The following FAM186B variants were observed in gnomAD, a reference collection of about 807,000 sequenced individuals.
FAM186B encodes the protein protein FAM186B.
A neutral mutation model predicts 83.4 loss-of-function variants in FAM186B; 68 were observed. The observed-to-expected ratio is 0.81, with a 90% CI of 0.67 to 1.00. FAM186B has a LOEUF of 1.00. Ranked by LOEUF, FAM186B falls within the 50% of genes least tolerant of loss-of-function variation. The pLI, the probability that FAM186B is intolerant of heterozygous loss-of-function variation, is 0.00. For missense variants in FAM186B, 983 were observed against 1,099.2 expected (o/e 0.89, Z 1.49); for synonymous variants, 389 against 422.0 (o/e 0.92, Z 0.96).
chr12:49,619,486 A>T, the FAM186B span: 1 of 679,180 alleles, frequency 1.5e-6, no homozygotes. Context: ...AGAGCAGGGG[A>T]AATACTAAAA....
At chr12:49,594,432 ACT>A (rs1230154544) in intron 5 of FAM186B, among the ~76,000 whole-genome samples, 1 of 152,154 alleles carries the variant, frequency 6.6e-6, no homozygotes, top group African/African-American at 2.4e-5. Flanking sequence ...CCCTTTATAC[ACT>A]GTTTTTCCTG....
At chr12:49,607,963 G>A (rs1392884733), upstream of FAM186B, among the ~76,000 whole-genome samples, 1 of 151,954 alleles carries the variant, frequency 6.6e-6, no homozygotes, top group Non-Finnish European at 1.5e-5. Context: ...GCCTCCCAAA[G>A]TGCTGGGATT....
At chr12:49,584,657 C>A (rs1368540670), downstream of FAM186B, 3 of 701,944 alleles carry the variant, frequency 4.3e-6, no homozygotes, top group Non-Finnish European at 7.8e-6. Context: ...GTAACTGAGA[C>A]AAGGCCCAGG....
chr12:49,591,714 G>A (rs1484043320), intron 5 of FAM186B, among the ~76,000 whole-genome samples: 7 of 152,094 alleles, frequency 4.6e-5, no homozygotes, highest in Admixed American at 3.9e-4. Context: ...CTTGCTATCC[G>A]TGGGGTATTG....
downstream of FAM186B, chr12:49,583,671 C>G (rs1315244686): frequency 6.5e-6 from 1 of 152,854 alleles, no homozygotes; most frequent in Non-Finnish European, 1.5e-5. Context: ...TCTGGAGTCT[C>G]AGCCTTAGGC....
chr12:49,600,603 GTCTC>G lies in FAM186B; in HGVS notation c.1033_1036del (p.Glu345ProfsTer17), dbSNP rs777830506. 3.7e-6 allele frequency: 6 copies of G among 1,612,160 alleles called. No individual in the cohort carries two copies. The East Asian group carries it at 6.7e-5, about 18-fold the overall frequency. On this transcript the variant is annotated frameshift_variant, in exon 4 of 7. Coordinates refer to ENST00000257894, the MANE Select transcript of FAM186B (RefSeq NM_032130.3). LOFTEE classifies it high-confidence loss of function. The surrounding 1 kb of genome is among the most constrained non-coding windows in gnomAD (Gnocchi z 4.3). ...CATGACTGTTTCTTTCCTTGGGAGGGTCTCTCTCTCAGAGGGACCTGGGGAGTCA... is the reference window on the plus strand; with the variant it reads ...CATGACTGTTTCTTTCCTTGGGAGGGTCTCTCAGAGGGACCTGGGGAGTCA...
At position 49,587,685 on chromosome 12, in the gene FAM186B, T is replaced by C. The variant is rs139465007; in HGVS notation, c.2602A>G (p.Lys868Glu). The C allele has an allele frequency of 1.4e-4, 232 of 1,613,982 alleles. No individual in the cohort carries two copies. The highest frequency in any genetic ancestry group is 1.8e-4 in the Non-Finnish European group (209 of 1,180,010). The change falls in exon 7 of 7, where the codon AAA (lysine) becomes GAA (glutamate). Residue 868 changes from lysine to glutamate, a missense_variant. Coordinates refer to ENST00000257894, the MANE Select transcript of FAM186B (RefSeq NM_032130.3). ...CGGGGAAGGCTGGCAGGGGTCTTTT[T>C]TTCTATTGCGTAACTGGAGGAGGCC... The part of the protein sequence containing the change: ...EVASSSYAIE[K>E]KTPASLPRDQ...
Position 49,600,536 on chromosome 12 carries a change from G to T in FAM186B, c.1104C>A (p.Phe368Leu), listed in dbSNP as rs765281603. ...QQEPMKEEQL[F>L]SPLPPSPMAM... ...CCATGGGACTTGGGGGAAGTGGCGA[G>T]AACAACTGCTCCTCCTTCATCGGTT... Residue 368 changes from phenylalanine (F) to leucine (L), a missense_variant, in exon 4 of 7, where the codon TTC becomes TTA. By Grantham distance (22) the Phe-to-Leu change is conservative. Transcript: ENST00000257894. The surrounding 1 kb of genome is among the most constrained non-coding windows in gnomAD (Gnocchi z 4.3). 1 of 1,613,910 alleles carries T rather than the reference G, an allele frequency of 6.2e-7. No individual in the cohort carries two copies. The highest frequency in any genetic ancestry group is 1.1e-5 in the South Asian group (1 of 91,030).
chr12:49,613,491 C>T, the FAM186B span, among the ~76,000 whole-genome samples: 16 of 148,798 alleles, frequency 1.1e-4, no homozygotes, highest in Admixed American at 6.1e-4. Context: ...CATGCCACTG[C>T]ACTCCAGCCT....
At position 49,600,185 on chromosome 12, in the gene FAM186B, G is replaced by A. The variant is rs1939845114; in HGVS notation, c.1455C>T (p.Gly485=). ...SQEEPWEEEF[G]REMRRQLWLE... ...GCCACAGCTGCCTCCGCATCTCCCG[G>A]CCGAATTCCTCCTCCCAGGGCTCCT... Residue 485 remains glycine, a synonymous_variant, in exon 4 of 7, where the codon GGC becomes GGT. Transcript: ENST00000257894. This position sits in a 1 kb window ranked among gnomAD's most constrained non-coding sequence, Gnocchi z 4.3. 1 of 1,613,144 alleles carries A rather than the reference G, an allele frequency of 6.2e-7. No homozygotes were observed. The highest frequency in any genetic ancestry group is 1.3e-5 in the African/African-American group (1 of 74,878).
intron 5 of FAM186B, among the ~76,000 whole-genome samples, chr12:49,591,414 A>G (rs1300012702): frequency 6.6e-6 from 1 of 152,234 alleles, no homozygotes; most frequent in Non-Finnish European, 1.5e-5. Flanking sequence ...TCTGTAAAAT[A>G]CCGAAAGAAA....
chr12:49,589,482 G>A (rs1248280842), intron 5 of FAM186B, among the ~76,000 whole-genome samples: 4 of 152,228 alleles, frequency 2.6e-5, no homozygotes, highest in African/African-American at 9.6e-5. Context: ...GGGTGGTGCA[G>A]AGAGCTATTC....
intron 5 of FAM186B, among the ~76,000 whole-genome samples, chr12:49,593,853 A>G (rs192940018): frequency 2.0e-5 from 3 of 152,294 alleles, no homozygotes; most frequent in Admixed American, 6.5e-5. Context: ...TACATAAGCA[A>G]TCTTAAATGT....
intron 1 of FAM186B, 37 bp downstream of exon 1, chr12:49,605,345 C>A: frequency 6.3e-7 from 1 of 1,594,698 alleles, no homozygotes; most frequent in South Asian, 1.1e-5. Flanking sequence ...CGCATCAGAT[C>A]CCAATGTAAG....
Position 49,605,626 on chromosome 12 carries a change from AC to A in FAM186B, c.-150del. The A allele has an allele frequency of 1.4e-6, 1 of 723,274 alleles. No homozygotes were observed. The highest frequency in any genetic ancestry group is 2.2e-6 in the Non-Finnish European group (1 of 448,792). The allele number at this position is 723,274 out of a possible 1,614,324, so 44.8% of individuals were successfully genotyped here. On this transcript the variant is annotated 5_prime_UTR_variant, in exon 1 of 7. Transcript: ENST00000257894. ...ACAGCTCCTCTGGTAACTGCCAAAC[AC>A]CAGGTTCCAACTGATCCTCTTTTCC...
the FAM186B span, among the ~76,000 whole-genome samples, chr12:49,617,084 C>T: frequency 6.6e-6 from 1 of 152,148 alleles, no homozygotes; most frequent in African/African-American, 2.4e-5. Context: ...CCCTCTCACA[C>T]GAGCAGCTTG....
chr12:49,618,580 G>A, the FAM186B span, among the ~76,000 whole-genome samples: 1 of 152,200 alleles, frequency 6.6e-6, no homozygotes, highest in Admixed American at 6.5e-5. Context: ...ATCAGTAACA[G>A]CTTCTGAGAT....
rs368454335 is a variant in FAM186B at position 49,598,729 on chromosome 12, C to CG, written c.2364+25dup. 3,049 of 1,503,854 alleles carry CG rather than the reference C, an allele frequency of 2.0e-3. 24 individuals carry two copies. The highest frequency in any genetic ancestry group is 0.012 in the South Asian group (897 of 77,364). The allele number at this position is 1,503,854 out of a possible 1,614,324, so 93.2% of individuals were successfully genotyped here. On this transcript the variant is annotated intron_variant, in intron 5 of 6. Coordinates refer to ENST00000257894, the MANE Select transcript of FAM186B (RefSeq NM_032130.3). The stretch of plus-strand genomic sequence containing the variant: ...GTGCTGACCCCAGGAGGCGGAGTGG[C>CG]GGGGGGGTCAGGGCGGGAGGCCCAC...
In FAM186B at chr12:49,600,837, G is replaced by A. The variant is rs779161612; in HGVS notation, c.803C>T (p.Ala268Val). Residue 268 changes from alanine (A) to valine (V), a missense_variant, in exon 4 of 7, where the codon GCG (alanine) becomes GTG (valine). Transcript: ENST00000257894. The surrounding 1 kb of genome is among the most constrained non-coding windows in gnomAD (Gnocchi z 4.3). ...ETKYRHLQMQ[A>V]TKELSSQRLH... is the part of the protein sequence containing the mutation. Reference sequence around the variant, plus strand: ...CCTCTGGCTGCTGAGCTCTTTGGTCGCCTGCATTTGCAGGTGCCTGTATTT... The same window carrying A: ...CCTCTGGCTGCTGAGCTCTTTGGTCACCTGCATTTGCAGGTGCCTGTATTT... 1.6e-5 allele frequency: 25 copies of A among 1,612,176 alleles called. No individual in the cohort carries two copies. Among genetic ancestry groups the A allele is most frequent in the South Asian group, 7.7e-5 (7 of 90,814 alleles).
Sources: gnomAD v4.1 joint callset for allele counts (sites outside exome capture counted in the v4.1 genomes callset) on GRCh38, gnomAD v4.1.1 for gene constraint, Gnocchi (gnomAD v3.1) non-coding constraint, MANE v1.5 for transcripts, NCBI Gene and HGNC (gene_info 2026-07-23, HGNC 2026-07-21) for gene names.